SECISBP2L: variants seen among roughly 807,000 people sequenced by gnomAD.
SECISBP2L encodes selenocysteine insertion sequence-binding protein 2-like.
In SECISBP2L, 43 loss-of-function variants were observed where a neutral mutation model predicts 114.7. That is an observed-to-expected ratio of 0.38 (90% CI 0.29 to 0.48). The LOEUF (loss-of-function observed/expected upper bound fraction) is 0.48, where lower values mean the gene tolerates loss of function less well. Ranked by LOEUF, SECISBP2L falls within the 20% of genes least tolerant of loss-of-function variation. The probability of loss-of-function intolerance (pLI) is 0.98; values close to 1 mark genes in which losing one functional copy is unlikely to be tolerated. For missense variants in SECISBP2L, 1,136 were observed against 1,301.1 expected, an observed-to-expected ratio of 0.87 and a Z score of 1.95; for synonymous variants, 451 against 439.7, an observed-to-expected ratio of 1.03 and a Z score of -0.32.
rs539385655 is a variant in SECISBP2L at position 49,006,094 on chromosome 15, G to A, written c.2027+3122C>T. Among the ~76,000 whole-genome samples, 4 of 152,274 alleles carry A rather than the reference G, an allele frequency of 2.6e-5. No individual in the cohort carries two copies. In the South Asian group the frequency reaches 8.3e-4, roughly 32 times the overall value. On this transcript the variant is annotated intron_variant, in intron 14 of 17. Transcript: ENST00000559471. ...TATTGGCCCCACTCTCTTCTGGCTT[G>A]TAGGGTTTCTGCAGAGAGACCCGCT...
intron 11 of SECISBP2L, 141 bp downstream of exon 11, chr15:49,016,419 C>T (rs979633146): frequency 1.5e-6 from 1 of 683,898 alleles, no homozygotes; most frequent in African/African-American, 1.9e-5. Flanking sequence ...AATACACACA[C>T]ACAAACACAC....
At position 49,035,618 on chromosome 15, in the gene SECISBP2L, G is replaced by A. The variant is rs1447740906; in HGVS notation, c.244C>T (p.Pro82Ser). ...TATGGTCCAGTAGGGTTTGGATTGG[G>A]TTGTTGCCATCGTATATCATTGTTA... ...LYNNDIRWQQ[P>S]NPNPTGPYFA... Residue 82 changes from proline (P) to serine (S), a missense_variant, in exon 3 of 18, where the codon CCC becomes TCC. This residue lies in a region of SECISBP2L where 452 missense variants were observed against 452.3 expected (regional missense o/e 1.00). Transcript: ENST00000559471. The A allele has an allele frequency of 1.2e-6, 2 of 1,613,758 alleles. No individual in the cohort carries two copies. Among genetic ancestry groups the A allele is most frequent in the Admixed American group, 1.7e-5 (1 of 59,996 alleles).
chr15:49,031,776 T>C (rs1029901682), intron 4 of SECISBP2L, among the ~76,000 whole-genome samples: 2 of 152,222 alleles, frequency 1.3e-5, no homozygotes, highest in Non-Finnish European at 2.9e-5. Flanking sequence ...CATTTTCTAA[T>C]TCCTGTGCCT....
In SECISBP2L at chr15:49,027,333, T is replaced by TA. The variant is rs753062776; in HGVS notation, c.1035+31dup. Reference sequence around the variant, plus strand: ...AATCTAAAATGACTCATCTCATACCTAATCAATTTTCTCCAACCTAATTCG... The same window carrying TA: ...AATCTAAAATGACTCATCTCATACCTAAATCAATTTTCTCCAACCTAATTCG... On this transcript the variant is annotated intron_variant, in intron 7 of 17. Transcript: ENST00000559471. 1.8e-5 allele frequency: 27 copies of TA among 1,485,998 alleles called. No homozygotes were observed. In the Middle Eastern group the frequency reaches 1.6e-3, roughly 85 times the overall value. The allele number at this position is 1,485,998 out of a possible 1,614,324, so 92.1% of individuals were successfully genotyped here.
At chr15:49,007,742 T>C (rs1297241407) in intron 14 of SECISBP2L, among the ~76,000 whole-genome samples, 1 of 152,200 alleles carries the variant, frequency 6.6e-6, no homozygotes, top group Non-Finnish European at 1.5e-5. Context: ...GAATGTCCTA[T>C]TACCAACAAT....
Position 49,037,698 on chromosome 15 carries a change from A to T in SECISBP2L, c.96T>A (p.Pro32=). 1.2e-6 allele frequency: 2 copies of T among 1,613,844 alleles called. No individual in the cohort carries two copies. Among genetic ancestry groups the T allele is most frequent in the Non-Finnish European group, 1.7e-6 (2 of 1,179,822 alleles). Residue 32 remains proline, a synonymous_variant, in exon 2 of 18, where the codon CCT becomes CCA. Transcript: ENST00000559471. ...TTCCATTATCATTTGGGAGAGCCAT[A>T]GGGATCATAAATGTATCAGGACTCT... ...QKKSPDTFMI[P]MALPNDNGSV...
intron 7 of SECISBP2L, among the ~76,000 whole-genome samples, chr15:49,024,357 G>A (rs1902699189): frequency 6.6e-6 from 1 of 151,902 alleles, no homozygotes; most frequent in African/African-American, 2.4e-5. Context: ...TTACCCACAT[G>A]TGGTGGCGGG....
chr15:48,992,228 G>C lies in SECISBP2L; in HGVS notation c.*16C>G. The C allele has an allele frequency of 1.3e-6, 2 of 1,578,624 alleles. No homozygotes were observed. Among genetic ancestry groups the C allele is most frequent in the Non-Finnish European group, 8.6e-7 (1 of 1,161,796 alleles). On this transcript the variant is annotated 3_prime_UTR_variant, in exon 18 of 18. Transcript: ENST00000559471. ...ACCCTTCCACAGCTGGAGATAGAGA[G>C]CCGACATTTCCTGAGTTACGTAGTT...
chr15:49,018,078 C>T (rs901369742), intron 8 of SECISBP2L, among the ~76,000 whole-genome samples: 7 of 151,986 alleles, frequency 4.6e-5, no homozygotes, highest in Non-Finnish European at 8.8e-5. Flanking sequence ...TAATATCTTC[C>T]TTTTTCCTGA....
In SECISBP2L at chr15:49,033,905, T is replaced by G. The variant is rs185607975; in HGVS notation, c.529-805A>C. 2.1e-3 allele frequency among the ~76,000 whole-genome samples: 317 copies of G among 152,328 alleles called. 3 individuals carry two copies. The highest frequency in any genetic ancestry group is 7.5e-3 in the African/African-American group (310 of 41,574). On this transcript the variant is annotated intron_variant, in intron 3 of 17. Transcript: ENST00000559471. ...TTTAAAAATATAAGTATTCATCACT[T>G]AATAGCAACTTACACAATAGAACTC...
At chr15:49,036,573 T>C (rs1485108917) in intron 2 of SECISBP2L, among the ~76,000 whole-genome samples, 3 of 152,242 alleles carry the variant, frequency 2.0e-5, no homozygotes, top group Non-Finnish European at 2.9e-5. Flanking sequence ...AAAATAGTAT[T>C]ATTAAATTTA....
In SECISBP2L at chr15:49,000,984, G is replaced by A; in HGVS notation, c.2141C>T (p.Ala714Val). The A allele has an allele frequency of 6.2e-7, 1 of 1,613,768 alleles. No homozygotes were observed. The highest frequency in any genetic ancestry group is 8.5e-7 in the Non-Finnish European group (1 of 1,179,874). ...IYQKDPVRAKARRRLVMGLRE... is the reference protein window; with the variant it reads ...IYQKDPVRAKVRRRLVMGLRE... ...TAGACCCATAACGAGTCGTCTCCTTGCTTTTGCTCTTACAGGATCTTTTTG... is the reference window on the plus strand; with the variant it reads ...TAGACCCATAACGAGTCGTCTCCTTACTTTTGCTCTTACAGGATCTTTTTG... The change falls in exon 15 of 18, where the codon GCA becomes GTA. Residue 714 changes from alanine to valine, a missense_variant. Coordinates refer to ENST00000559471, the MANE Select transcript of SECISBP2L (RefSeq NM_001193489.2).
At chr15:49,004,916 G>A (rs1013442728) in intron 14 of SECISBP2L, among the ~76,000 whole-genome samples, 4 of 152,166 alleles carry the variant, frequency 2.6e-5, no homozygotes, top group Non-Finnish European at 5.9e-5. Context: ...TGTGATTTGG[G>A]GTGGAGAGTT....
chr15:49,011,866 A>G lies in SECISBP2L; in HGVS notation c.1732-3T>C. ...TCCTCTCTTTCTTTTAAAATAACCT[A>G]AAAGTCATTACACTAGTCTTTAATT... On this transcript the variant is annotated splice_polypyrimidine_tract_variant and splice_region_variant and intron_variant, in intron 12 of 17. Coordinates refer to ENST00000559471, the MANE Select transcript of SECISBP2L (RefSeq NM_001193489.2). The G allele has an allele frequency of 1.1e-5, 17 of 1,613,796 alleles. No individual in the cohort carries two copies. The highest frequency in any genetic ancestry group is 1.4e-5 in the Non-Finnish European group (16 of 1,179,740).
rs946129892 is a variant in SECISBP2L, at chr15:48,989,882, T to G, written c.*2362A>C. The G allele has an allele frequency of 2.6e-5, 4 of 152,602 alleles. No individual in the cohort carries two copies. The highest frequency in any genetic ancestry group is 9.7e-5 in the African/African-American group (4 of 41,444). The allele number at this position is 152,602 out of a possible 1,614,324, so 9.5% of individuals were successfully genotyped here. On this transcript the variant is annotated 3_prime_UTR_variant, in exon 18 of 18. Transcript: ENST00000559471. ...AGCCTGTAATTCAATATTCCAAAAT[T>G]TAAAGGAAACAAGTTATAAAGACAT...
intron 1 of SECISBP2L, among the ~76,000 whole-genome samples, chr15:49,043,608 GT>G (rs5812473): frequency 0.31 from 44,906 of 143,700 alleles, 7,253 homozygotes; most frequent in East Asian, 0.56. Context: ...CAAAATGCAA[GT>G]TTTTTTTTTT....
At chr15:49,042,895 T>C (rs984981720) in intron 1 of SECISBP2L, among the ~76,000 whole-genome samples, 5 of 152,042 alleles carry the variant, frequency 3.3e-5, no homozygotes, top group Non-Finnish European at 5.9e-5. Context: ...CTGGGTGTGG[T>C]GGTGCACACC....
intron 14 of SECISBP2L, among the ~76,000 whole-genome samples, chr15:49,006,409 C>T (rs1015997851): frequency 6.6e-6 from 1 of 152,168 alleles, no homozygotes; most frequent in Non-Finnish European, 1.5e-5. Context: ...TTGGTCTTTT[C>T]ATATAGACCC....
At chr15:48,999,616 C>A (rs1335832139) in intron 16 of SECISBP2L, among the ~76,000 whole-genome samples, 3 of 152,152 alleles carry the variant, frequency 2.0e-5, no homozygotes, top group Non-Finnish European at 2.9e-5. Context: ...GAAATACGAA[C>A]TAAAACCTTT....
Sources: gnomAD v4.1 joint callset for allele counts (sites outside exome capture counted in the v4.1 genomes callset) on GRCh38, gnomAD v4.1.1 for gene constraint, gnomAD v4.1.1 regional missense constraint, MANE v1.5 for transcripts, NCBI Gene and HGNC (gene_info 2026-07-23, HGNC 2026-07-21) for gene names.